The following TDP2 variants were observed in gnomAD, a reference collection of about 807,000 sequenced individuals.
TDP2 encodes tyrosyl-DNA phosphodiesterase 2.
Under a neutral mutation model 42.8 loss-of-function variants are expected in TDP2, and 38 were observed. That is an observed-to-expected ratio of 0.89 (90% CI 0.68 to 1.16). The LOEUF (loss-of-function observed/expected upper bound fraction) is 1.16, where lower values mean the gene tolerates loss of function less well. Among genes scored for constraint, TDP2 ranks in the 50% most tolerant of loss-of-function variants. TDP2 has a pLI of 0.00. For missense variants in TDP2, 439 were observed against 439.3 expected, an observed-to-expected ratio of 1.00 and a Z score of 0.01; for synonymous variants, 173 against 150.6, an observed-to-expected ratio of 1.15 and a Z score of -1.09.
Position 24,666,608 on chromosome 6 carries a change from C to T in TDP2, c.169G>A (p.Ala57Thr). Residue 57 changes from alanine to threonine, a missense_variant, in exon 2 of 7, where the codon GCT becomes ACT. Ala to Thr is a moderately conservative substitution (Grantham distance 58). Transcript: ENST00000378198. ...LAENDWEMER[A>T]LNSYFEPPVE... Reference sequence around the variant, plus strand: ...GGAGGCTCGAAGTAGGAGTTCAGAGCCCTCTGAAAAACAAAGGCACAAGGG... The same window carrying T: ...GGAGGCTCGAAGTAGGAGTTCAGAGTCCTCTGAAAAACAAAGGCACAAGGG... 1 of 1,614,216 alleles carries T rather than the reference C, an allele frequency of 6.2e-7. No homozygotes were observed. Among genetic ancestry groups the T allele is most frequent in the African/African-American group, 1.3e-5 (1 of 75,076 alleles).
Position 24,666,540 on chromosome 6 carries a change from A to T in TDP2, c.237T>A (p.Ser79=). Residue 79 remains serine, a synonymous_variant, in exon 2 of 7, where the codon TCT becomes TCA. Transcript: ENST00000378198. ...TCATCACTTACTAGGTCTTGGGCTCAGAGATGGTTTCAGGTCGGCGTTCCA... is the reference window on the plus strand; with the variant it reads ...TCATCACTTACTAGGTCTTGGGCTCTGAGATGGTTTCAGGTCGGCGTTCCA... ...SALERRPETI[S]EPKTYVDLTN... The T allele has an allele frequency of 6.2e-7, 1 of 1,613,988 alleles. No individual in the cohort carries two copies. The highest frequency in any genetic ancestry group is 8.5e-7 in the Non-Finnish European group (1 of 1,179,830).
At chr6:24,654,060 T>G (rs906345407) in intron 5 of TDP2, among the ~76,000 whole-genome samples, 6 of 152,230 alleles carry the variant, frequency 3.9e-5, no homozygotes, top group Admixed American at 1.3e-4. Context: ...ACACTCTCCC[T>G]TACTAATCTA....
chr6:24,658,868 A>T (rs948556897), intron 2 of TDP2, 134 bp from the exon 3 acceptor site: 4 of 829,666 alleles, frequency 4.8e-6, no homozygotes, highest in Admixed American at 2.8e-5. Context: ...TTACAGGGTT[A>T]ACAAGAATTG....
intron 2 of TDP2, chr6:24,665,975 C>A: frequency 8.6e-7 from 1 of 1,164,102 alleles, no homozygotes; most frequent in African/African-American, 1.6e-5. Context: ...GGCCTGGAAC[C>A]TGGAAAGGCA....
intron 4 of TDP2, among the ~76,000 whole-genome samples, chr6:24,655,387 C>T (rs907865042): frequency 6.6e-6 from 1 of 152,070 alleles, no homozygotes; most frequent in African/African-American, 2.4e-5. Context: ...AGCAGAGAAC[C>T]ATAGACAGGA....
intron 2 of TDP2, 137 bp downstream of exon 2, chr6:24,666,389 T>C (rs1778236461): frequency 1.4e-6 from 2 of 1,413,588 alleles, no homozygotes; most frequent in Admixed American, 1.8e-5. Context: ...ACGCAAGCCC[T>C]GCTCCTCTGG....
intron 6 of TDP2, 57 bp from the exon 7 acceptor site, chr6:24,651,126 A>T: frequency 2.5e-5 from 12 of 489,422 alleles, no homozygotes; most frequent in Non-Finnish European, 3.1e-5. Flanking sequence ...CACTAACTTA[A>T]AAAAAAAAAA....
rs776653065 is a variant in TDP2, at chr6:24,666,831, C to G, written c.32G>C (p.Arg11Thr). The change falls in exon 1 of 7, where the codon AGG (arginine) becomes ACG (threonine). Residue 11 changes from arginine to threonine, a missense_variant. Transcript: ENST00000378198. MELGSCLEGGREAAEEEGEPE... is the reference protein window; with the variant it reads MELGSCLEGGTEAAEEEGEPE... ...CTCGCCCTCTTCCTCCGCCGCCTCC[C>G]TCCCGCCCTCCAGGCAACTCCCCAA... The G allele has an allele frequency of 1.2e-6, 2 of 1,614,126 alleles. No individual in the cohort carries two copies.
At chr6:24,661,795 T>TA (rs1196479056) in intron 2 of TDP2, among the ~76,000 whole-genome samples, 4 of 149,264 alleles carry the variant, frequency 2.7e-5, no homozygotes, top group African/African-American at 1.0e-4. Context: ...AATGAGCTAT[T>TA]AGACTTTTTT....
intron 6 of TDP2, among the ~76,000 whole-genome samples, chr6:24,651,542 A>G (rs1777974610): frequency 6.6e-6 from 1 of 152,202 alleles, no homozygotes. Flanking sequence ...CCAGGATTTA[A>G]AAAAATTGTT....
intron 2 of TDP2, among the ~76,000 whole-genome samples, chr6:24,662,248 G>A (rs1296405777): frequency 6.6e-6 from 1 of 152,042 alleles, no homozygotes; most frequent in Non-Finnish European, 1.5e-5. Flanking sequence ...AAGGGTCTGT[G>A]TTGAGGAGGA....
At chr6:24,652,922 C>A in intron 6 of TDP2, 61 bp downstream of exon 6, 2 of 1,576,904 alleles carry the variant, frequency 1.3e-6, no homozygotes, top group South Asian at 1.1e-5. Flanking sequence ...GTCAAAGGAA[C>A]CTAAATTAGT....
chr6:24,659,370 C>T (rs1486379988), intron 2 of TDP2, among the ~76,000 whole-genome samples: 1 of 152,228 alleles, frequency 6.6e-6, no homozygotes, highest in Non-Finnish European at 1.5e-5. Flanking sequence ...TGTACCTCAA[C>T]AACCTAGGGC....
rs1165785079 is a variant in TDP2, at chr6:24,666,386, CCCTGCT to C, written c.251+134_251+139del. The C allele has an allele frequency of 4.3e-6, 6 of 1,408,488 alleles. No homozygotes were observed. The Admixed American group carries it at 7.3e-5, about 17-fold the overall frequency. 87.2% of individuals were successfully genotyped at this position (1,408,488 alleles called of 1,614,324 possible). ...CTCCGCGCAGCAGCAGCAACGCAAG[CCCTGCT>C]CCTCTGGCTACGCAGCTTGGAGATC... is the stretch of plus-strand genomic sequence containing the variant. On this transcript the variant is annotated intron_variant, in intron 2 of 6. Transcript: ENST00000378198.
rs2294689 is a variant in TDP2 at position 24,653,045 on chromosome 6, G to C, written c.745C>G (p.Gln249Glu). ...NQLKMVLKKM[Q>E]EAPESATVIF... ...ACTGTAGCTGACTCTGGAGCCTCTT[G>C]CATTTTCTTTAAAACCATTTTTAAC... The change falls in exon 6 of 7, where the codon CAA (glutamine) becomes GAA (glutamate). Residue 249 changes from glutamine to glutamate, a missense_variant. Transcript: ENST00000378198. 132,505 of 1,613,784 alleles carry C rather than the reference G, an allele frequency of 0.082. 12,996 individuals carry two copies. Among genetic ancestry groups the C allele is most frequent in the East Asian group, 0.44 (19,856 of 44,844 alleles).
Position 24,654,478 on chromosome 6 carries a change from T to C in TDP2, c.570A>G (p.Lys190=), listed in dbSNP as rs773229997. Residue 190 remains lysine, a synonymous_variant, in exon 5 of 7, where the codon AAA becomes AAG. Transcript: ENST00000378198. ...TAIMLKKSRV[K]LKSQEIIPFP... is the part of the protein sequence containing the mutation. ...AAGGAATAATCTCTTGGCTTTTTAA[T>C]TTCACTCTTGATTTCTTCAACATTA... 6.3e-7 allele frequency: 1 copy of C among 1,591,272 alleles called. No individual in the cohort carries two copies. Among genetic ancestry groups the C allele is most frequent in the Non-Finnish European group, 8.6e-7 (1 of 1,165,940 alleles).
At chr6:24,664,030 T>C (rs1424570471) in intron 2 of TDP2, among the ~76,000 whole-genome samples, 2 of 152,158 alleles carry the variant, frequency 1.3e-5, no homozygotes, top group East Asian at 3.8e-4. Context: ...TGGCAAACTT[T>C]AGGGGCATGA....
chr6:24,665,934 T>C (rs766351198), intron 2 of TDP2: 6 of 662,554 alleles, frequency 9.1e-6, no homozygotes, highest in Non-Finnish European at 1.3e-5. Context: ...CAGGAGAAAA[T>C]GACCCGTTGG....
chr6:24,657,129 T>C (rs188709598), intron 4 of TDP2, among the ~76,000 whole-genome samples: 77 of 152,368 alleles, frequency 5.1e-4, no homozygotes, highest in African/African-American at 1.7e-3. Flanking sequence ...AGATATTTTT[T>C]CAGTAAATAC....
Sources: allele counts gnomAD v4.1 joint callset (sites outside exome capture counted in the v4.1 genomes callset), GRCh38; gene constraint gnomAD v4.1.1; transcripts MANE v1.5; gene names NCBI Gene and HGNC (gene_info 2026-07-23, HGNC 2026-07-21).